Variants in EYS observed in about 807,000 individuals in gnomAD.
The protein encoded by EYS is EGF-like photoreceptor maintenance factor.
In EYS, 250 loss-of-function variants were observed where a neutral mutation model predicts 282.1. That is an observed-to-expected ratio of 0.89 (90% CI 0.80 to 0.98). The LOEUF is 0.98. Among genes scored for constraint, EYS ranks in the 50% least tolerant of loss-of-function variants. The pLI, the probability that EYS is intolerant of heterozygous loss-of-function variation, is 0.00. For synonymous variants in EYS, 1,355 were observed against 1,282.9 expected, an observed-to-expected ratio of 1.06 and a Z score of -1.20; for missense variants, 4,016 against 3,709.0, an observed-to-expected ratio of 1.08 and a Z score of -2.15.
intron 13 of EYS, among the ~76,000 whole-genome samples, chr6:65,027,516 A>G (rs2150141894): frequency 6.6e-6 from 1 of 152,330 alleles, no homozygotes; most frequent in South Asian, 2.1e-4. Context: ...ACTGGATTAA[A>G]CAATTACAGC....
chr6:64,624,993 A>G (rs1003157955), intron 23 of EYS, among the ~76,000 whole-genome samples: 1 of 152,172 alleles, frequency 6.6e-6, no homozygotes, highest in African/African-American at 2.4e-5. Flanking sequence ...CTCTCGCCTC[A>G]ATATAGTTGG....
rs540019223 is a variant in EYS at position 64,551,656 on chromosome 6, C to T, written c.5644+38567G>A. Among the ~76,000 whole-genome samples the T allele has an allele frequency of 3.4e-3, 512 of 151,776 alleles. 1 individual carries two copies. The highest frequency in any genetic ancestry group is 5.5e-3 in the Non-Finnish European group (373 of 67,944). ...GGTTCAAGCTATTCTCCTGACTCAG[C>T]CTCCTGAGTACCAAGGACCACAAGC... On this transcript the variant is annotated intron_variant, in intron 26 of 42. Transcript: ENST00000503581.
chr6:64,761,672 G>A (rs1248795529), intron 22 of EYS, among the ~76,000 whole-genome samples: 2 of 152,130 alleles, frequency 1.3e-5, no homozygotes, highest in African/African-American at 4.8e-5. Context: ...GGCCAGGATG[G>A]TTTCTATCTA....
At chr6:65,552,224 CTTG>C (rs1562254688) in intron 2 of EYS, among the ~76,000 whole-genome samples, 1 of 152,196 alleles carries the variant, frequency 6.6e-6, no homozygotes, top group East Asian at 1.9e-4. Flanking sequence ...GCATCTCAAA[CTTG>C]TTATCTCGAC....
chr6:64,245,617 T>G (rs1766985550), intron 30 of EYS, among the ~76,000 whole-genome samples: 1 of 152,216 alleles, frequency 6.6e-6, no homozygotes, highest in South Asian at 2.1e-4. Context: ...TTTAAGCCAC[T>G]TCCTTCTTTG....
chr6:64,925,978 G>C (rs1204423722), intron 15 of EYS, among the ~76,000 whole-genome samples: 1 of 152,184 alleles, frequency 6.6e-6, no homozygotes, highest in African/African-American at 2.4e-5. Flanking sequence ...GATGGGGAAT[G>C]AGAGATGGCT....
chr6:64,379,610 T>A (rs1044313806), intron 29 of EYS: 2 of 152,158 alleles, frequency 1.3e-5, no homozygotes, highest in African/African-American at 4.8e-5. Context: ...CTTTGAGATC[T>A]TTTAGAATTA....
rs141189316 is a variant in EYS at position 63,921,254 on chromosome 6, G to A, written c.7056-56896C>T. 4.0e-3 allele frequency among the ~76,000 whole-genome samples: 616 copies of A among 152,280 alleles called. 1 individual carries two copies. The highest frequency in any genetic ancestry group is 0.02 in the Middle Eastern group (6 of 294). The stretch of plus-strand genomic sequence containing the variant: ...TTACCCGCTGCACTGTGTGACTGTG[G>A]AGGGCACAAGATGCACCATGTGCCA... On this transcript the variant is annotated intron_variant, in intron 35 of 42. Coordinates refer to ENST00000503581, the MANE Select transcript of EYS (RefSeq NM_001142800.2).
At chr6:65,560,172 T>G (rs1768982965) in intron 2 of EYS, among the ~76,000 whole-genome samples, 1 of 145,990 alleles carries the variant, frequency 6.8e-6, no homozygotes, top group African/African-American at 2.5e-5. Context: ...TGTCAATCAC[T>G]ATAATACTTG....
chr6:64,537,408 T>C (rs1764554641), intron 26 of EYS, among the ~76,000 whole-genome samples: 1 of 152,092 alleles, frequency 6.6e-6, no homozygotes, highest in South Asian at 2.1e-4. Flanking sequence ...AGTCTACCAT[T>C]GTTGGACATT....
chr6:63,887,849 A>C (rs1773304990), intron 35 of EYS, among the ~76,000 whole-genome samples: 1 of 152,156 alleles, frequency 6.6e-6, no homozygotes, highest in Non-Finnish European at 1.5e-5. Context: ...CCAGGGAGCC[A>C]AGTGGTCTTG....
At chr6:65,192,304 T>C (rs1765661763) in intron 12 of EYS, among the ~76,000 whole-genome samples, 1 of 148,110 alleles carries the variant, frequency 6.8e-6, no homozygotes, top group Admixed American at 6.7e-5. Flanking sequence ...TGTGTGTGTG[T>C]GTGTGTGTGT....
intron 36 of EYS, among the ~76,000 whole-genome samples, chr6:63,820,729 G>A (rs1455147216): frequency 6.6e-6 from 1 of 152,100 alleles, no homozygotes; most frequent in East Asian, 1.9e-4. Flanking sequence ...CAGCAATTTT[G>A]TCATCAATTG....
chr6:64,273,255 T>C (rs904122172), intron 30 of EYS, among the ~76,000 whole-genome samples: 7 of 152,186 alleles, frequency 4.6e-5, no homozygotes, highest in African/African-American at 1.7e-4. Context: ...TTGAATGTCT[T>C]TAGTATTTAT....
At chr6:64,585,802 T>A (rs1056238871) in intron 26 of EYS, among the ~76,000 whole-genome samples, 2 of 152,168 alleles carry the variant, frequency 1.3e-5, no homozygotes, top group Admixed American at 6.6e-5. Flanking sequence ...TTGGTTATAC[T>A]TTTGCACTTT....
intron 31 of EYS, among the ~76,000 whole-genome samples, chr6:64,172,141 A>G (rs571633396): frequency 6.6e-6 from 1 of 152,278 alleles, no homozygotes; most frequent in South Asian, 2.1e-4. Flanking sequence ...TGATCTATGT[A>G]GAGAGTTGAT....
At chr6:64,265,126 G>A (rs1767712950) in intron 30 of EYS, among the ~76,000 whole-genome samples, 1 of 151,770 alleles carries the variant, frequency 6.6e-6, no homozygotes, top group South Asian at 2.1e-4. Flanking sequence ...GATTATTGAT[G>A]TTACTTTTTC....
At chr6:64,093,866 A>G (rs1407658580) in intron 31 of EYS, among the ~76,000 whole-genome samples, 1 of 152,166 alleles carries the variant, frequency 6.6e-6, no homozygotes, top group African/African-American at 2.4e-5. Context: ...GTTTTTGCCC[A>G]GTCAGTGTGA....
At chr6:65,377,309 A>T in intron 8 of EYS, among the ~76,000 whole-genome samples, 1 of 152,294 alleles carries the variant, frequency 6.6e-6, no homozygotes, top group African/African-American at 2.4e-5. Context: ...AGGCAGAAAC[A>T]ACAAAGTTCT....
Sources: gnomAD v4.1 joint callset for allele counts (sites outside exome capture counted in the v4.1 genomes callset) on GRCh38, gnomAD v4.1.1 for gene constraint, MANE v1.5 for transcripts, NCBI Gene and HGNC (gene_info 2026-07-23, HGNC 2026-07-21) for gene names.